The following PEX5 variants were observed in gnomAD, a reference collection of about 807,000 sequenced individuals.
The protein encoded by PEX5 is PTS1 receptor.
PEX5 carries 52 observed loss-of-function variants against 82.9 expected under a neutral mutation model. The observed-to-expected ratio is 0.63, with a 90% CI of 0.50 to 0.79. The LOEUF (loss-of-function observed/expected upper bound fraction) is 0.79. PEX5 is among the 30% of genes least tolerant of loss of function. PEX5 has a pLI of 0.00. For synonymous variants in PEX5, 300 were observed against 318.8 expected, an observed-to-expected ratio of 0.94 and a Z score of 0.63; for missense variants, 719 against 815.2, an observed-to-expected ratio of 0.88 and a Z score of 1.44.
At chr12:7,196,036 T>TATA (rs1282627695) in intron 5 of PEX5, among the ~76,000 whole-genome samples, 5 of 142,302 alleles carry the variant, frequency 3.5e-5, no homozygotes, top group African/African-American at 1.3e-4. Context: ...TTATATATTA[T>TATA]ATATATTATA....
At position 7,201,803 on chromosome 12, in the gene PEX5, G is replaced by C. The variant is rs149102738; in HGVS notation, c.604G>C (p.Val202Leu). Residue 202 changes from valine to leucine, a missense_variant, in exon 7 of 16, where the codon GTG (valine) becomes CTG (leucine). Physicochemically the swap from Val to Leu is conservative, Grantham distance 32. Transcript: ENST00000675855. ...EDLQHTASDF[V>L]AKVDDPKLAN... ...TCTGCAGCACACGGCCAGTGACTTTGTGGCCAAAGTGGATGACCCCAAATT... is the reference window on the plus strand; with the variant it reads ...TCTGCAGCACACGGCCAGTGACTTTCTGGCCAAAGTGGATGACCCCAAATT... 4,790 of 1,613,972 alleles carry C rather than the reference G, an allele frequency of 3.0e-3. 13 individuals are homozygous for C. Among genetic ancestry groups the C allele is most frequent in the Non-Finnish European group, 3.7e-3 (4,321 of 1,179,870 alleles).
At chr12:7,200,721 C>T (rs1218699867) in intron 6 of PEX5, among the ~76,000 whole-genome samples, 1 of 152,264 alleles carries the variant, frequency 6.6e-6, no homozygotes, top group South Asian at 2.1e-4. Flanking sequence ...AACCCCGTCT[C>T]CACCAAAAAA....
At chr12:7,215,579 C>A (rs145332361), downstream of PEX5, among the ~76,000 whole-genome samples, 25 of 152,306 alleles carry the variant, frequency 1.6e-4, no homozygotes, top group East Asian at 4.4e-3. Context: ...AACAAAATCA[C>A]GACCTTCGCA....
intron 6 of PEX5, among the ~76,000 whole-genome samples, chr12:7,200,326 T>C (rs1478176137): frequency 6.7e-6 from 1 of 148,316 alleles, no homozygotes; most frequent in African/African-American, 2.5e-5. Context: ...ACTTCCTCGA[T>C]GGGATGGCGG....
intron 5 of PEX5, among the ~76,000 whole-genome samples, chr12:7,197,216 G>GTAATTATATATGTCATATATAATGTAA (rs1565687017): frequency 0.12 from 1,835 of 15,550 alleles, 723 homozygotes; most frequent in South Asian, 0.23. Flanking sequence ...CATATATAAT[G>GTAATTATATATGTCATATATAATGTAA]TAATTATATA....
intron 5 of PEX5, among the ~76,000 whole-genome samples, chr12:7,198,039 C>G (rs1272442963): frequency 6.6e-6 from 1 of 151,924 alleles, no homozygotes; most frequent in Admixed American, 6.6e-5. Context: ...CGCAGTCAGT[C>G]TCCTTGTTTT....
In PEX5 at chr12:7,203,570, G is replaced by GT. The variant is rs1944415107; in HGVS notation, c.966+24dup. On this transcript the variant is annotated intron_variant, in intron 10 of 15. Transcript: ENST00000675855. ...TGATAAGGTGAGGTAAAAACTCTTAGTTTTTCAGGTTCCAGAACTTCCTTC... is the reference window on the plus strand; with the variant it reads ...TGATAAGGTGAGGTAAAAACTCTTAGTTTTTTCAGGTTCCAGAACTTCCTTC... 17 of 1,609,814 alleles carry GT rather than the reference G, an allele frequency of 1.1e-5. No homozygotes were observed. The highest frequency in any genetic ancestry group is 1.3e-5 in the African/African-American group (1 of 74,872).
intron 10 of PEX5, among the ~76,000 whole-genome samples, chr12:7,206,676 G>T (rs987658657): frequency 6.6e-6 from 1 of 151,806 alleles, no homozygotes; most frequent in African/African-American, 2.4e-5. Context: ...AATTTTGCTG[G>T]TAAGATTTAA....
chr12:7,208,533 C>G lies in PEX5; in HGVS notation c.1258C>G (p.Arg420Gly), dbSNP rs777735499. ...GAGCTTCACCAACGAGTCCCTGCAG[C>G]GACAGGCCTGTGAAACCCTACGAGA... ...AVSFTNESLQ[R>G]QACETLRDWL... Residue 420 changes from arginine to glycine, a missense_variant, in exon 13 of 16, where the codon CGA (arginine) becomes GGA (glycine). Coordinates refer to ENST00000675855, the MANE Select transcript of PEX5 (RefSeq NM_001351132.2). 1 of 1,613,978 alleles carries G rather than the reference C, an allele frequency of 6.2e-7. No individual in the cohort carries two copies.
chr12:7,191,327 G>A lies in PEX5; in HGVS notation c.285G>A (p.Glu95=), dbSNP rs764424782. Residue 95 remains glutamate (E), a synonymous_variant, in exon 4 of 16, where the codon GAG becomes GAA. Transcript: ENST00000675855. ...DDLLAEMQQI[E]QSNFRQAPQR... is the part of the protein sequence containing the mutation. ...TCCTGGCTGAGATGCAGCAGATTGAGCAGTCAAACTTCCGCCAGGCTCCCC... is the reference window on the plus strand; with the variant it reads ...TCCTGGCTGAGATGCAGCAGATTGAACAGTCAAACTTCCGCCAGGCTCCCC... The A allele has an allele frequency of 6.2e-6, 10 of 1,614,048 alleles. No homozygotes were observed. The highest frequency in any genetic ancestry group is 7.6e-6 in the Non-Finnish European group (9 of 1,180,032).
chr12:7,215,473 A>G (rs1945751244), downstream of PEX5, among the ~76,000 whole-genome samples: 1 of 152,230 alleles, frequency 6.6e-6, no homozygotes, highest in African/African-American at 2.4e-5. Flanking sequence ...CATGATAGCA[A>G]CGACGTGGAA....
rs1565707446 is a variant in PEX5, at chr12:7,203,184, C to CGAAGCGAAGCGA, written c.847-248_847-247insGAAGCGAAGCGA. On this transcript the variant is annotated intron_variant, in intron 9 of 15. Transcript: ENST00000675855. ...AAACAAAAAACTAAACTAAACTATGCACTGCACTGCACTGCACTGCACTGC... is the reference window on the plus strand; with the variant it reads ...AAACAAAAAACTAAACTAAACTATGCGAAGCGAAGCGAACTGCACTGCACTGCACTGCACTGC... Among the ~76,000 whole-genome samples, 10 of 67,906 alleles carry CGAAGCGAAGCGA rather than the reference C, an allele frequency of 1.5e-4. 1 individual carries two copies. The highest frequency in any genetic ancestry group is 6.0e-4 in the African/African-American group (10 of 16,764). The allele number at this position is 67,906 out of a possible 152,430, so 44.5% of individuals were successfully genotyped here. A position where few individuals can be genotyped will look rare whatever the true frequency, so the allele number is the denominator to read the frequency against.
intron 6 of PEX5, 29 bp downstream of exon 6, chr12:7,199,142 C>T (rs762694797): frequency 2.8e-5 from 36 of 1,278,172 alleles, no homozygotes; most frequent in East Asian, 4.9e-5. Flanking sequence ...TTCCGAATCC[C>T]GTGAAAGGAG....
Position 7,211,439 on chromosome 12 carries a change from G to A in PEX5, c.*1216G>A, listed in dbSNP as rs191944647. ...GTGTAAATGATTTAAAAATAAAACT[G>A]TAAAATATTTGTACGAAGAATAAAT... On this transcript the variant is annotated 3_prime_UTR_variant, in exon 16 of 16. Coordinates refer to ENST00000675855, the MANE Select transcript of PEX5 (RefSeq NM_001351132.2). The A allele has an allele frequency of 1.9e-4, 29 of 152,202 alleles. No individual in the cohort carries two copies. Among genetic ancestry groups the A allele is most frequent in the African/African-American group, 7.0e-4 (29 of 41,516 alleles). The allele number at this position is 152,202 out of a possible 1,614,324, so 9.4% of individuals were successfully genotyped here.
intron 17 of PEX5, among the ~76,000 whole-genome samples, chr12:7,218,159 T>C (rs758990511): frequency 1.3e-5 from 2 of 152,320 alleles, no homozygotes; most frequent in African/African-American, 2.4e-5. Flanking sequence ...GTATGATTTA[T>C]TGACGATTAT....
At chr12:7,200,882 AAG>A (rs141628663) in intron 6 of PEX5, among the ~76,000 whole-genome samples, 8,002 of 151,948 alleles carry the variant, frequency 0.053, 718 homozygotes, top group African/African-American at 0.18. Flanking sequence ...AGACCGTGGA[AAG>A]AGAGGGGGAG....
chr12:7,209,340 C>G (rs1179216271), intron 14 of PEX5, among the ~76,000 whole-genome samples, 170 bp downstream of exon 14: 1 of 152,142 alleles, frequency 6.6e-6, no homozygotes, highest in Non-Finnish European at 1.5e-5. Context: ...GGCAACATAG[C>G]AAGACCCTGC....
rs1186234233 is a variant in PEX5, at chr12:7,208,598, A to G, written c.1323A>G (p.Thr441=). ...RYTPAYAHLV[T]PAEEGAGGAG... ...CACCAGCCTATGCCCATCTGGTGAC[A>G]CCTGCTGAAGAAGGGGCTGGTGGGG... Residue 441 remains threonine (T), a synonymous_variant, in exon 13 of 16, where the codon ACA becomes ACG. Transcript: ENST00000675855. 3.1e-6 allele frequency: 5 copies of G among 1,614,024 alleles called. No homozygotes were observed. The highest frequency in any genetic ancestry group is 4.2e-6 in the Non-Finnish European group (5 of 1,180,024).
At chr12:7,189,946 C>T (rs760493642) in intron 1 of PEX5, 196 bp downstream of exon 1, 12 of 1,489,168 alleles carry the variant, frequency 8.1e-6, no homozygotes, top group African/African-American at 4.3e-5. Context: ...GCTCCTCTGC[C>T]GTGCTCACCG....
Sources: allele counts gnomAD v4.1 joint callset (sites outside exome capture counted in the v4.1 genomes callset), GRCh38; gene constraint gnomAD v4.1.1; transcripts MANE v1.5; gene names NCBI Gene and HGNC (gene_info 2026-07-23, HGNC 2026-07-21).